The following CCDC200 variants were observed in gnomAD, a reference collection of about 807,000 sequenced individuals.
CCDC200 encodes the protein coiled-coil domain containing 200.
In CCDC200 at chr17:43,222,789, T is replaced by TA. The variant is rs1567879850; in HGVS notation, c.480+766dup. Among the ~76,000 whole-genome samples the TA allele has an allele frequency of 3.0e-5, 4 of 132,150 alleles. No homozygotes were observed. The East Asian group carries it at 9.2e-4, about 30-fold the overall frequency. 86.7% of individuals were successfully genotyped at this position (132,150 alleles called of 152,430 possible). A position where few individuals can be genotyped will look rare whatever the true frequency, so the allele number is the denominator to read the frequency against. On this transcript the variant is annotated intron_variant, in intron 3 of 3. Coordinates refer to ENST00000636331, the MANE Select transcript of CCDC200 (RefSeq NM_001363254.2). ...TTTTTTTTCGTTTTTTTTTTTTTTT[T>TA]AAACGAAGTCTCGCTCTGTCACCAG...
chr17:43,224,764 G>A (rs957429611), intron 1 of CCDC200: 6 of 152,226 alleles, frequency 3.9e-5, no homozygotes, highest in African/African-American at 1.4e-4. Context: ...CCCCAGCCCA[G>A]GAAATAGCAC....
intron 2 of CCDC200, chr17:43,223,852 A>C (rs1248269247): frequency 2.0e-5 from 3 of 152,094 alleles, no homozygotes; most frequent in Non-Finnish European, 4.4e-5. Flanking sequence ...ATAAGCCTAC[A>C]ACTCATGTCC....
At chr17:43,224,723 G>A (rs2057555565) in intron 1 of CCDC200, 174 bp from the exon 2 acceptor site, 1 of 152,226 alleles carries the variant, frequency 6.6e-6, no homozygotes, top group Admixed American at 6.5e-5. Flanking sequence ...CACCCACTGT[G>A]ACACCCAAGA....
At chr17:43,223,482 A>ACC (rs1555616538) in intron 3 of CCDC200, 74 bp downstream of exon 3, 1 of 70,894 alleles carries the variant, frequency 1.4e-5, no homozygotes. Context: ...ACACACACTC[A>ACC]CACTCTCTCT....
At chr17:43,227,496 T>C (rs569074184) in intron 1 of CCDC200, among the ~76,000 whole-genome samples, 3 of 151,982 alleles carry the variant, frequency 2.0e-5, no homozygotes, top group African/African-American at 4.8e-5. Flanking sequence ...TTTTTAATTT[T>C]TTTTTTGAGA....
At chr17:43,222,418 C>T (rs1018661940) in intron 3 of CCDC200, among the ~76,000 whole-genome samples, 4 of 152,140 alleles carry the variant, frequency 2.6e-5, no homozygotes, top group Non-Finnish European at 5.9e-5. Context: ...CTGCTCACCT[C>T]GGCCTCCCAA....
At chr17:43,222,406 A>G (rs1168723404) in intron 3 of CCDC200, among the ~76,000 whole-genome samples, 2 of 152,150 alleles carry the variant, frequency 1.3e-5, no homozygotes, top group African/African-American at 2.4e-5. Flanking sequence ...AGCTCAGGCA[A>G]TCTGCTCACC....
intron 1 of CCDC200, among the ~76,000 whole-genome samples, chr17:43,225,756 C>T (rs1347301152): frequency 4.1e-5 from 5 of 121,598 alleles, no homozygotes; most frequent in East Asian, 5.1e-4. Flanking sequence ...TTGTTTGAGA[C>T]AGAGTCTCGT....
chr17:43,226,551 A>G (rs547852770), intron 1 of CCDC200, among the ~76,000 whole-genome samples: 22 of 152,164 alleles, frequency 1.4e-4, no homozygotes, highest in African/African-American at 4.8e-4. Context: ...GCACACTACC[A>G]TGCCTGGCTA....
intron 1 of CCDC200, among the ~76,000 whole-genome samples, chr17:43,227,308 C>CA (rs1189579292): frequency 3.4e-4 from 49 of 143,364 alleles, no homozygotes; most frequent in Admixed American, 4.9e-4. Flanking sequence ...GACTCCATCT[C>CA]AAAAAAAAAA....
At chr17:43,225,021 T>C (rs2057557513) in intron 1 of CCDC200, 1 of 151,930 alleles carries the variant, frequency 6.6e-6, no homozygotes, top group Non-Finnish European at 1.5e-5. Flanking sequence ...CACACCACCA[T>C]GCCCGGTTAA....
intron 3 of CCDC200, among the ~76,000 whole-genome samples, chr17:43,222,725 A>C: frequency 7.3e-6 from 1 of 137,452 alleles, no homozygotes; most frequent in Middle Eastern, 4.2e-3. Flanking sequence ...AGTAGCTTGG[A>C]CTCCAGGTAT....
At chr17:43,222,895 G>A (rs2057542921) in intron 3 of CCDC200, among the ~76,000 whole-genome samples, 1 of 149,666 alleles carries the variant, frequency 6.7e-6, no homozygotes, top group African/African-American at 2.5e-5. Flanking sequence ...TCAGCCTCCC[G>A]AGCAGCTGGG....
At chr17:43,227,075 T>G (rs2057574283) in intron 1 of CCDC200, among the ~76,000 whole-genome samples, 1 of 151,792 alleles carries the variant, frequency 6.6e-6, no homozygotes, top group Non-Finnish European at 1.5e-5. Flanking sequence ...ACCTCCCAGG[T>G]TCAGGCGATT....
intron 3 of CCDC200, among the ~76,000 whole-genome samples, chr17:43,223,020 G>T (rs896017336): frequency 1.3e-5 from 2 of 151,786 alleles, no homozygotes; most frequent in African/African-American, 4.8e-5. Flanking sequence ...GCCTGCCTCA[G>T]CCCCTCAAAG....
chr17:43,226,992 T>C (rs182450526), intron 1 of CCDC200, among the ~76,000 whole-genome samples: 130 of 152,224 alleles, frequency 8.5e-4, no homozygotes, highest in African/African-American at 3.0e-3. Flanking sequence ...TGTTGTTGTT[T>C]TTTAAGATGG....
chr17:43,225,599 G>T (rs1173418731), intron 1 of CCDC200, among the ~76,000 whole-genome samples: 1 of 130,080 alleles, frequency 7.7e-6, no homozygotes, highest in Non-Finnish European at 1.7e-5. Context: ...GGAGGCGGAG[G>T]TTGCAGTGAG....
At chr17:43,230,997 A>T (rs1430346566), upstream of CCDC200, among the ~76,000 whole-genome samples, 3 of 76,236 alleles carry the variant, frequency 3.9e-5, 1 homozygote, top group South Asian at 1.3e-3. Flanking sequence ...AAAAAAAAAA[A>T]GCTTGGGCCA....
At chr17:43,227,635 G>A (rs865817936) in intron 1 of CCDC200, among the ~76,000 whole-genome samples, 8 of 151,712 alleles carry the variant, frequency 5.3e-5, no homozygotes, top group African/African-American at 9.7e-5. Flanking sequence ...CCAGGCAAGC[G>A]CCACCATGCC....
Sources: gnomAD v4.1 joint callset for allele counts (sites outside exome capture counted in the v4.1 genomes callset) on GRCh38, gnomAD v4.1.1 for gene constraint, MANE v1.5 for transcripts, NCBI Gene and HGNC (gene_info 2026-07-23, HGNC 2026-07-21) for gene names.